The following GHR variants were observed in gnomAD, a reference collection of about 807,000 sequenced individuals.
GHR encodes GH receptor.
In GHR, 35 loss-of-function variants were observed where a neutral mutation model predicts 67.1. The observed-to-expected ratio is 0.52, with a 90% CI of 0.40 to 0.69. The LOEUF is 0.69. Among genes scored for constraint, GHR ranks in the 30% least tolerant of loss-of-function variants. The pLI is 0.00. For synonymous variants in GHR, 272 were observed against 269.1 expected (o/e 1.01, Z -0.10); for missense variants, 792 against 764.6 (o/e 1.04, Z -0.42).
chr5:42,526,447 G>T (rs1747709005), intron 1 of GHR, among the ~76,000 whole-genome samples: 1 of 152,200 alleles, frequency 6.6e-6, no homozygotes, highest in Non-Finnish European at 1.5e-5. Flanking sequence ...TTTAGAAGGT[G>T]CAGAAAGTTA....
chr5:42,675,727 A>G lies in GHR; in HGVS notation c.137-13163A>G, dbSNP rs148407109. Among the ~76,000 whole-genome samples the G allele has an allele frequency of 1.8e-3, 275 of 152,354 alleles. 3 individuals carry two copies. Among genetic ancestry groups the G allele is most frequent in the Admixed American group, 0.014 (219 of 15,302 alleles). On this transcript the variant is annotated intron_variant, in intron 3 of 9. Transcript: ENST00000230882. ...GAAGGTTTAAATGATAAATGCCAAT[A>G]GTAGTATATGTGCAATTATCTACTG...
chr5:42,620,971 G>A (rs987204889), intron 2 of GHR, among the ~76,000 whole-genome samples: 1 of 151,956 alleles, frequency 6.6e-6, no homozygotes, highest in Admixed American at 6.6e-5. Flanking sequence ...TATGTTCCTG[G>A]CTGGCCTACC....
chr5:42,540,524 C>A (rs560965839), intron 1 of GHR, among the ~76,000 whole-genome samples: 99 of 152,204 alleles, frequency 6.5e-4, no homozygotes, highest in South Asian at 1.5e-3. Context: ...GAACATAAGC[C>A]TAAAACCTCT....
At chr5:42,617,893 T>C (rs1339639441) in intron 2 of GHR, among the ~76,000 whole-genome samples, 1 of 152,168 alleles carries the variant, frequency 6.6e-6, no homozygotes, top group Non-Finnish European at 1.5e-5. Context: ...GCCTGCCCTA[T>C]AGCTATGAAA....
At chr5:42,607,975 G>C (rs187276423) in intron 2 of GHR, among the ~76,000 whole-genome samples, 1 of 152,296 alleles carries the variant, frequency 6.6e-6, no homozygotes, top group Non-Finnish European at 1.5e-5. Context: ...TGTTTTGTCA[G>C]TTATGATCTA....
At chr5:42,672,960 C>A (rs1205896240) in intron 3 of GHR, among the ~76,000 whole-genome samples, 1 of 151,794 alleles carries the variant, frequency 6.6e-6, no homozygotes, top group African/African-American at 2.4e-5. Flanking sequence ...AAAAAGAAAC[C>A]AGCAACAGAG....
chr5:42,444,255 G>A (rs1474260931), intron 1 of GHR, among the ~76,000 whole-genome samples: 3 of 152,136 alleles, frequency 2.0e-5, no homozygotes, highest in African/African-American at 7.2e-5. Flanking sequence ...GCATTCTCTT[G>A]TAACACTTAG....
intron 1 of GHR, among the ~76,000 whole-genome samples, chr5:42,436,516 A>G (rs1469237570): frequency 4.6e-5 from 7 of 152,184 alleles, no homozygotes; most frequent in Non-Finnish European, 1.0e-4. Flanking sequence ...TTTTTTTAAT[A>G]TGTAGATATC....
At chr5:42,681,005 A>G (rs1031125966) in intron 3 of GHR, among the ~76,000 whole-genome samples, 1 of 152,108 alleles carries the variant, frequency 6.6e-6, no homozygotes, top group Non-Finnish European at 1.5e-5. Flanking sequence ...AACCATAAAA[A>G]CCCTAGAAGA....
intron 2 of GHR, among the ~76,000 whole-genome samples, chr5:42,618,752 C>A (rs1370731479): frequency 6.6e-6 from 1 of 152,016 alleles, no homozygotes; most frequent in Non-Finnish European, 1.5e-5. Flanking sequence ...AATATTATTT[C>A]TACTTTATAG....
intron 2 of GHR, among the ~76,000 whole-genome samples, chr5:42,588,213 G>T (rs997731987): frequency 3.9e-5 from 6 of 152,054 alleles, no homozygotes; most frequent in African/African-American, 1.4e-4. Flanking sequence ...GTGGTGGATG[G>T]TGGTAAGAAG....
chr5:42,476,229 T>C (rs563357822), intron 1 of GHR, among the ~76,000 whole-genome samples: 2 of 145,302 alleles, frequency 1.4e-5, no homozygotes, highest in South Asian at 2.2e-4. Flanking sequence ...GTTTTTGTTT[T>C]TGTTTTTTTG....
At chr5:42,569,190 CAG>C (rs1750122830) in intron 2 of GHR, among the ~76,000 whole-genome samples, 1 of 152,184 alleles carries the variant, frequency 6.6e-6, no homozygotes, top group African/African-American at 2.4e-5. Flanking sequence ...ACAACATAAA[CAG>C]AAGTGTACAG....
intron 1 of GHR, among the ~76,000 whole-genome samples, chr5:42,525,328 C>T (rs1747661466): frequency 1.3e-5 from 2 of 152,178 alleles, no homozygotes; most frequent in African/African-American, 4.8e-5. Context: ...CATTTTTGAG[C>T]TTTAAAGTTT....
chr5:42,436,811 T>A (rs1743348175), intron 1 of GHR, among the ~76,000 whole-genome samples: 1 of 152,236 alleles, frequency 6.6e-6, no homozygotes, highest in African/African-American at 2.4e-5. Context: ...GTGGCCCAAC[T>A]GAAAATTACC....
At chr5:42,489,246 T>C (rs1214243165) in intron 1 of GHR, among the ~76,000 whole-genome samples, 1 of 152,182 alleles carries the variant, frequency 6.6e-6, no homozygotes, top group African/African-American at 2.4e-5. Context: ...TTTTTCACCT[T>C]TTTACCTCTT....
At chr5:42,513,225 A>G (rs961878695) in intron 1 of GHR, among the ~76,000 whole-genome samples, 3 of 152,206 alleles carry the variant, frequency 2.0e-5, no homozygotes, top group Admixed American at 6.5e-5. Flanking sequence ...TGAAATTTCA[A>G]TTGTGTAGGA....
chr5:42,670,865 TAAAAAAA>T (rs71608658), intron 3 of GHR, among the ~76,000 whole-genome samples: 2 of 112,186 alleles, frequency 1.8e-5, no homozygotes, highest in African/African-American at 6.2e-5. Flanking sequence ...AAGCAAAAAT[TAAAAAAA>T]AAAAAAAAAT....
intron 1 of GHR, among the ~76,000 whole-genome samples, chr5:42,534,136 A>C (rs187516678): frequency 1.4e-5 from 2 of 142,904 alleles, no homozygotes; most frequent in African/African-American, 5.6e-5. Flanking sequence ...ATATATGTAC[A>C]TATGTATATA....
Sources: allele counts gnomAD v4.1 joint callset (sites outside exome capture counted in the v4.1 genomes callset), GRCh38; gene constraint gnomAD v4.1.1; transcripts MANE v1.5; gene names NCBI Gene and HGNC (gene_info 2026-07-23, HGNC 2026-07-21).